Variants in TRIQK observed in about 807,000 individuals in gnomAD.
TRIQK encodes triple QxxK/R motif containing.
A neutral mutation model predicts 10.8 loss-of-function variants in TRIQK; 10 were observed. The observed-to-expected ratio is 0.92, with a 90% confidence interval of 0.57 to 1.57. The LOEUF is 1.57. TRIQK is among the 40% of genes most tolerant of loss of function. TRIQK has a pLI of 0.00. For synonymous variants in TRIQK, 33 were observed against 33.7 expected (o/e 0.98, Z 0.07); for missense variants, 107 against 97.7 (o/e 1.09, Z -0.40).
At chr8:92,928,112 C>T (rs1261813256) in intron 2 of TRIQK, 1 of 152,124 alleles carries the variant, frequency 6.6e-6, no homozygotes, top group Admixed American at 6.5e-5. Context: ...TAGCAGGAGA[C>T]TAGTCCATGA....
At chr8:92,915,168 T>A (rs1043885683) in intron 3 of TRIQK, among the ~76,000 whole-genome samples, 3 of 152,010 alleles carry the variant, frequency 2.0e-5, no homozygotes, top group Non-Finnish European at 4.4e-5. Flanking sequence ...ATGTCAAATA[T>A]GTAGAAAAGG....
intron 1 of TRIQK, among the ~76,000 whole-genome samples, chr8:93,013,985 T>C (rs1050264407): frequency 6.6e-6 from 1 of 152,150 alleles, no homozygotes; most frequent in Admixed American, 6.6e-5. Flanking sequence ...ATATTCACCA[T>C]CAAATGTATG....
intron 3 of TRIQK, among the ~76,000 whole-genome samples, chr8:92,910,448 C>A (rs536364859): frequency 6.7e-6 from 1 of 150,284 alleles, no homozygotes; most frequent in East Asian, 1.9e-4. Context: ...AAGGTTAGAG[C>A]GGAGATTAGC....
chr8:92,898,885 A>G (rs1808769700), intron 3 of TRIQK, among the ~76,000 whole-genome samples: 1 of 136,686 alleles, frequency 7.3e-6, no homozygotes, highest in Non-Finnish European at 1.6e-5. Context: ...ATGGGGGTAC[A>G]TGAGCTATTT....
chr8:92,947,298 C>A (rs1054150215), intron 2 of TRIQK, among the ~76,000 whole-genome samples: 1 of 150,902 alleles, frequency 6.6e-6, no homozygotes, highest in Non-Finnish European at 1.5e-5. Flanking sequence ...AGCCTTCTTT[C>A]GTGGCCGGGC....
At chr8:93,004,063 G>C (rs1030028909) in intron 1 of TRIQK, among the ~76,000 whole-genome samples, 1 of 152,212 alleles carries the variant, frequency 6.6e-6, no homozygotes, top group Non-Finnish European at 1.5e-5. Flanking sequence ...TCTGCAGTCT[G>C]AAGGAGGTAG....
At chr8:92,924,097 G>A (rs933182283) in intron 2 of TRIQK, among the ~76,000 whole-genome samples, 4 of 151,840 alleles carry the variant, frequency 2.6e-5, no homozygotes, top group South Asian at 2.1e-4. Context: ...AAAACTCTTC[G>A]CTAAACGTGA....
At chr8:92,924,849 C>G (rs1377566616) in intron 2 of TRIQK, among the ~76,000 whole-genome samples, 2 of 151,932 alleles carry the variant, frequency 1.3e-5, no homozygotes, top group African/African-American at 4.8e-5. Flanking sequence ...CAAATTCGTA[C>G]TGTATAAAAC....
chr8:93,008,521 A>G (rs1489817118), intron 1 of TRIQK, among the ~76,000 whole-genome samples: 1 of 152,150 alleles, frequency 6.6e-6, no homozygotes, highest in Non-Finnish European at 1.5e-5. Flanking sequence ...ACTACAAATT[A>G]CCTTAAGAAT....
intron 3 of TRIQK, among the ~76,000 whole-genome samples, chr8:92,915,508 G>A (rs889249663): frequency 1.3e-5 from 2 of 149,954 alleles, no homozygotes; most frequent in African/African-American, 2.5e-5. Context: ...TTTTGAGATG[G>A]AGTCCCACTC....
intron 2 of TRIQK, among the ~76,000 whole-genome samples, chr8:92,921,192 G>A (rs1054363872): frequency 1.3e-5 from 2 of 151,582 alleles, no homozygotes; most frequent in Non-Finnish European, 3.0e-5. Flanking sequence ...AAATGTCACA[G>A]GCAAATTGAG....
At chr8:92,982,496 T>C (rs1812995914) in intron 1 of TRIQK, among the ~76,000 whole-genome samples, 1 of 152,072 alleles carries the variant, frequency 6.6e-6, no homozygotes, top group African/African-American at 2.4e-5. Flanking sequence ...TGACATTTAC[T>C]GAATTAACTC....
chr8:93,011,259 C>T (rs1258543153), intron 1 of TRIQK, among the ~76,000 whole-genome samples: 1 of 150,968 alleles, frequency 6.6e-6, no homozygotes, highest in African/African-American at 2.4e-5. Context: ...AATTACAGTA[C>T]TGACTGTACT....
At chr8:93,003,309 GGAGAGAGAGAGA>G (rs71565204) in intron 1 of TRIQK, among the ~76,000 whole-genome samples, 3 of 135,610 alleles carry the variant, frequency 2.2e-5, no homozygotes, top group Admixed American at 7.2e-5. Flanking sequence ...CCCGCTTACA[GGAGAGAGAGAGA>G]GAGAGAGAGA....
intron 2 of TRIQK, among the ~76,000 whole-genome samples, chr8:92,944,022 C>T (rs773087873): frequency 2.6e-5 from 4 of 152,020 alleles, no homozygotes; most frequent in East Asian, 1.9e-4. Context: ...ACAAAAAAAA[C>T]CCCAAATAAT....
Position 92,886,414 on chromosome 8 carries a change from T to A in TRIQK, c.*208A>T. 1 of 329,120 alleles carries A rather than the reference T, an allele frequency of 3.0e-6. No homozygotes were observed. Among genetic ancestry groups the A allele is most frequent in the Non-Finnish European group, 5.5e-6 (1 of 180,706 alleles). The allele number at this position is 329,120 out of a possible 1,614,324, so 20.4% of individuals were successfully genotyped here. ...GTGGCTGTCAAAGCAGAAAGATATA[T>A]AAAAGTATCCAGTAGCACATACTAT... is the stretch of plus-strand genomic sequence containing the variant. On this transcript the variant is annotated 3_prime_UTR_variant, in exon 5 of 5. Transcript: ENST00000521988.
intron 1 of TRIQK, among the ~76,000 whole-genome samples, chr8:92,990,414 T>C (rs1813084338): frequency 6.6e-6 from 1 of 152,146 alleles, no homozygotes; most frequent in Non-Finnish European, 1.5e-5. Context: ...CAAACCTGTC[T>C]ATATTACTGG....
intron 1 of TRIQK, among the ~76,000 whole-genome samples, chr8:92,957,983 G>A (rs1164246781): frequency 6.6e-6 from 1 of 151,852 alleles, no homozygotes; most frequent in African/African-American, 2.4e-5. Context: ...GTGTGGTACA[G>A]TATTTGAAAA....
intron 1 of TRIQK, among the ~76,000 whole-genome samples, chr8:92,993,804 A>G (rs1813122758): frequency 6.6e-6 from 1 of 152,210 alleles, no homozygotes; most frequent in Admixed American, 6.5e-5. Flanking sequence ...ATGACTAGCC[A>G]TCTAACTTGG....
Sources: allele counts gnomAD v4.1 joint callset (sites outside exome capture counted in the v4.1 genomes callset), GRCh38; gene constraint gnomAD v4.1.1; transcripts MANE v1.5; gene names NCBI Gene and HGNC (gene_info 2026-07-23, HGNC 2026-07-21).